The following ARHGAP6 variants were observed in gnomAD, a reference collection of about 807,000 sequenced individuals.
The protein encoded by ARHGAP6 is Rho GTPase activating protein 6.
A neutral mutation model predicts 55.7 loss-of-function variants in ARHGAP6; 16 were observed. That is an observed-to-expected ratio of 0.29 (90% confidence interval 0.19 to 0.44). ARHGAP6 has a LOEUF of 0.44. ARHGAP6 is among the 20% of genes least tolerant of loss of function. The pLI is 1.00. For synonymous variants in ARHGAP6, 382 were observed against 360.9 expected, an observed-to-expected ratio of 1.06 and a Z score of -0.66; for missense variants, 698 against 808.9, an observed-to-expected ratio of 0.86 and a Z score of 1.66.
intron 1 of ARHGAP6, among the ~76,000 whole-genome samples, chrX:11,652,017 T>C (rs1197698091): frequency 8.9e-6 from 1 of 112,382 alleles, no homozygotes; most frequent in African/African-American, 3.2e-5. Context: ...TTAAGTTCCT[T>C]ATAGATGCTG....
At chrX:11,357,539 T>C (rs1263413877) in intron 1 of ARHGAP6, among the ~76,000 whole-genome samples, 1 of 111,912 alleles carries the variant, frequency 8.9e-6, no homozygotes, top group East Asian at 2.8e-4. Flanking sequence ...CCAAATTTTA[T>C]GTGTTTGGGT....
intron 8 of ARHGAP6, among the ~76,000 whole-genome samples, chrX:11,171,990 T>C (rs747993553): frequency 3.6e-5 from 4 of 112,054 alleles, no homozygotes; most frequent in African/African-American, 1.3e-4. Flanking sequence ...TCAGGATAAG[T>C]ATGGGAACTG....
intron 1 of ARHGAP6, among the ~76,000 whole-genome samples, chrX:11,497,333 A>T (rs1263831380): frequency 8.9e-6 from 1 of 111,986 alleles, no homozygotes; most frequent in Non-Finnish European, 1.9e-5. Context: ...GTAAAATTAG[A>T]GTAAGTCAAC....
chrX:11,638,568 A>G (rs193251911), intron 1 of ARHGAP6, among the ~76,000 whole-genome samples: 94 of 111,366 alleles, frequency 8.4e-4, no homozygotes, highest in African/African-American at 2.4e-3. Context: ...TCTTCCCAGT[A>G]TGTGTCCTAA....
chrX:11,491,459 C>A (rs924869253), intron 1 of ARHGAP6, among the ~76,000 whole-genome samples: 1 of 109,066 alleles, frequency 9.2e-6, no homozygotes, highest in Non-Finnish European at 1.9e-5. Flanking sequence ...TGAGAATATG[C>A]GGTGTCTGGT....
chrX:11,342,334 C>T (rs142090219), intron 1 of ARHGAP6, among the ~76,000 whole-genome samples: 104 of 111,953 alleles, frequency 9.3e-4, no homozygotes, highest in African/African-American at 3.2e-3. Context: ...AGGCTTAGTT[C>T]TTGGAAAATT....
At chrX:11,430,125 C>T (rs947167691) in intron 1 of ARHGAP6, among the ~76,000 whole-genome samples, 2 of 112,153 alleles carry the variant, frequency 1.8e-5, no homozygotes, top group Non-Finnish European at 1.9e-5. Context: ...GGTCTTAAAA[C>T]CTTAACCATA....
chrX:11,449,944 G>A (rs1156333964), intron 1 of ARHGAP6, among the ~76,000 whole-genome samples: 1 of 111,551 alleles, frequency 9.0e-6, no homozygotes, highest in Non-Finnish European at 1.9e-5. Context: ...AAGACACACA[G>A]GTATGATATC....
intron 2 of ARHGAP6, among the ~76,000 whole-genome samples, chrX:11,244,629 C>T (rs908854061): frequency 3.6e-5 from 4 of 111,979 alleles, no homozygotes; most frequent in Non-Finnish European, 7.5e-5. Context: ...AGAAAAAAGG[C>T]AAAATGTTCA....
intron 1 of ARHGAP6, among the ~76,000 whole-genome samples, chrX:11,420,582 C>T (rs2049809859): frequency 9.0e-6 from 1 of 111,466 alleles, no homozygotes; most frequent in African/African-American, 3.3e-5. Flanking sequence ...CCGCCTGCCA[C>T]CCTGGGCTGC....
intron 2 of ARHGAP6, among the ~76,000 whole-genome samples, chrX:11,240,322 A>G (rs1015256047): frequency 3.6e-5 from 4 of 112,193 alleles, no homozygotes; most frequent in African/African-American, 1.3e-4. Context: ...TGGAATGGAT[A>G]GCAGCTCTGA....
At chrX:11,152,776 G>A (rs2045801877) in intron 10 of ARHGAP6, among the ~76,000 whole-genome samples, 1 of 112,508 alleles carries the variant, frequency 8.9e-6, no homozygotes, top group Admixed American at 9.4e-5. Flanking sequence ...CCACATGATA[G>A]TAAATTTGTG....
At position 11,189,025 on chromosome X, in the gene ARHGAP6, G is replaced by A. The variant is rs955034992; in HGVS notation, c.821-41C>T. On this transcript the variant is annotated intron_variant, in intron 3 of 12. Transcript: ENST00000337414. ...AGACATTCACTTTCAGAGACTGACT[G>A]GTCCAGTGAACACTCTCATTTATGT... 1.0e-5 allele frequency: 12 copies of A among 1,179,363 alleles called. No homozygotes were observed. In the African/African-American group the frequency reaches 1.2e-4, roughly 12 times the overall value.
chrX:11,597,955 C>CA (rs768269072), intron 1 of ARHGAP6, among the ~76,000 whole-genome samples: 110 of 111,801 alleles, frequency 9.8e-4, no homozygotes, highest in Non-Finnish European at 1.8e-3. Context: ...TGTTTATTTT[C>CA]AAAAAATCAC....
At chrX:11,190,742 G>A (rs1409480618) in intron 3 of ARHGAP6, among the ~76,000 whole-genome samples, 1 of 110,812 alleles carries the variant, frequency 9.0e-6, no homozygotes, top group Non-Finnish European at 1.9e-5. Flanking sequence ...TATAAGATAG[G>A]GACTACTGAG....
At chrX:11,236,912 C>T (rs1569268151) in intron 2 of ARHGAP6, among the ~76,000 whole-genome samples, 1 of 112,271 alleles carries the variant, frequency 8.9e-6, no homozygotes. Flanking sequence ...GGTCACTTTG[C>T]CTTTGCAACA....
At chrX:11,338,258 C>T (rs943963983) in intron 1 of ARHGAP6, among the ~76,000 whole-genome samples, 4 of 111,765 alleles carry the variant, frequency 3.6e-5, no homozygotes, top group Non-Finnish European at 3.8e-5. Context: ...TTATGAGCAG[C>T]GTTATTAGGG....
intron 1 of ARHGAP6, among the ~76,000 whole-genome samples, chrX:11,292,630 A>G (rs1336109042): frequency 4.5e-5 from 5 of 112,100 alleles, no homozygotes; most frequent in African/African-American, 1.6e-4. Context: ...ATGGGAGGCA[A>G]AGGACAACAT....
intron 9 of ARHGAP6, among the ~76,000 whole-genome samples, chrX:11,159,483 GGA>G (rs1263264661): frequency 1.8e-5 from 2 of 110,222 alleles, no homozygotes; most frequent in South Asian, 7.9e-4. Flanking sequence ...TTTATTGGAT[GGA>G]GAGAGAGAGA....
Sources: allele counts gnomAD v4.1 joint callset (sites outside exome capture counted in the v4.1 genomes callset), GRCh38; gene constraint gnomAD v4.1.1; transcripts MANE v1.5; gene names NCBI Gene and HGNC (gene_info 2026-07-23, HGNC 2026-07-21).